Variants in PRRC2C observed in about 807,000 individuals in gnomAD.
PRRC2C encodes the protein proline rich coiled-coil 2C.
PRRC2C carries 72 observed loss-of-function variants against 317.2 expected under a neutral mutation model. That is an observed-to-expected ratio of 0.23 (90% confidence interval 0.19 to 0.28). PRRC2C has a LOEUF of 0.28. PRRC2C is among the 10% of genes least tolerant of loss of function. The probability of loss-of-function intolerance (pLI) is 1.00; values close to 1 mark genes in which losing one functional copy is unlikely to be tolerated. For synonymous variants in PRRC2C, 1,296 were observed against 1,205.9 expected, an observed-to-expected ratio of 1.07 and a Z score of -1.55; for missense variants, 3,074 against 3,459.7, an observed-to-expected ratio of 0.89 and a Z score of 2.80.
intron 18 of PRRC2C, among the ~76,000 whole-genome samples, chr1:171,555,324 A>C (rs1438810463): frequency 6.6e-6 from 1 of 152,172 alleles, no homozygotes; most frequent in East Asian, 1.9e-4. Flanking sequence ...AGGTCATTTA[A>C]GGTCTTTTCT....
At chr1:171,549,324 A>C (rs1340588281) in intron 17 of PRRC2C, among the ~76,000 whole-genome samples, 1 of 152,210 alleles carries the variant, frequency 6.6e-6, no homozygotes, top group Non-Finnish European at 1.5e-5. Context: ...GGCATGTGCC[A>C]CAGCACTAAG....
rs1192226477 is a variant in PRRC2C at position 171,513,003 on chromosome 1, C to T, written c.121C>T (p.Arg41Ter). The T allele has an allele frequency of 6.2e-7, 1 of 1,602,846 alleles. No homozygotes were observed. Among genetic ancestry groups the T allele is most frequent in the African/African-American group, 1.3e-5 (1 of 74,454 alleles). Residue 41 changes from arginine to a stop codon, truncating the protein, a stop_gained, in exon 3 of 35, where the codon CGA becomes TGA. Coordinates refer to ENST00000647382, the MANE Select transcript of PRRC2C (RefSeq NM_001387844.1). LOFTEE classifies it high-confidence loss of function. ...ATGTTATTGATCTTTAGTTGCAGCT[C>T]GACATGGATTACAGAGTCTTGGAAA... Reference protein sequence around the residue: ...LETQKTTVAARHGLQSLGKVG... With the variant: ...LETQKTTVAA
At chr1:171,554,814 T>C (rs1282480644) in intron 18 of PRRC2C, among the ~76,000 whole-genome samples, 1 of 152,204 alleles carries the variant, frequency 6.6e-6, no homozygotes, top group Non-Finnish European at 1.5e-5. Flanking sequence ...GCTTATAGAG[T>C]TTCTGCCGAG....
chr1:171,561,385 A>G (rs1206584274), intron 20 of PRRC2C, among the ~76,000 whole-genome samples: 1 of 152,174 alleles, frequency 6.6e-6, no homozygotes, highest in Non-Finnish European at 1.5e-5. Flanking sequence ...CTGGGAGGTC[A>G]AGGCTACAGT....
chr1:171,559,000 C>CT (rs1682024940), intron 19 of PRRC2C, among the ~76,000 whole-genome samples: 1 of 152,208 alleles, frequency 6.6e-6, no homozygotes, highest in South Asian at 2.1e-4. Flanking sequence ...ACAACATTCC[C>CT]TTAACCCAAA....
At chr1:171,507,720 G>C (rs188362186) in intron 1 of PRRC2C, among the ~76,000 whole-genome samples, 80 of 152,278 alleles carry the variant, frequency 5.3e-4, no homozygotes, top group Non-Finnish European at 8.8e-4. Flanking sequence ...TTCAGGCACT[G>C]TTCCCCTCTG....
rs370415872 is a variant in PRRC2C at position 171,524,940 on chromosome 1, A to G, written c.1175A>G (p.Tyr392Cys). 2.2e-5 allele frequency: 36 copies of G among 1,609,516 alleles called. No homozygotes were observed. The highest frequency in any genetic ancestry group is 6.7e-5 in the African/African-American group (5 of 74,760). The change falls in exon 10 of 35, where the codon TAT becomes TGT. Residue 392 changes from tyrosine (Y) to cysteine (C), a missense_variant. Coordinates refer to ENST00000647382, the MANE Select transcript of PRRC2C (RefSeq NM_001387844.1). ...CAACCATCAGTAGCAAAAGTTCCCT[A>G]TGGGAAAGGACCTTCATTTAATCAG... ...PAQPSVAKVP[Y>C]GKGPSFNQER...
intron 18 of PRRC2C, among the ~76,000 whole-genome samples, chr1:171,556,750 A>G (rs1190641409): frequency 1.3e-5 from 2 of 152,240 alleles, no homozygotes; most frequent in African/African-American, 2.4e-5. Context: ...ATATTAGTTC[A>G]TTTAAATACA....
At chr1:171,526,803 A>ATATTTTT (rs1557918055) in intron 10 of PRRC2C, among the ~76,000 whole-genome samples, 1 of 85,796 alleles carries the variant, frequency 1.2e-5, no homozygotes, top group Non-Finnish European at 2.4e-5. Context: ...TCAGAAATAT[A>ATATTTTT]TCTTTTTTTT....
rs769269354 is a variant in PRRC2C at position 171,540,901 on chromosome 1, CAAAGACCTTGTT to C, written c.3437_3448del (p.Lys1146_Val1149del). 1 of 1,613,736 alleles carries C rather than the reference CAAAGACCTTGTT, an allele frequency of 6.2e-7. No individual in the cohort carries two copies. The highest frequency in any genetic ancestry group is 2.2e-5 in the East Asian group (1 of 44,874). ...AAAAACAACCTGAGAAAGTCATCAGCAAAGACCTTGTTATAGAGAGGCCTCGACCAGATTCAA... is the reference window on the plus strand; with the variant it reads ...AAAAACAACCTGAGAAAGTCATCAGCATAGAGAGGCCTCGACCAGATTCAA... On this transcript the variant is annotated inframe_deletion, in exon 16 of 35. Transcript: ENST00000647382.
chr1:171,504,911 A>G (rs1026332948), intron 1 of PRRC2C, among the ~76,000 whole-genome samples: 2 of 150,508 alleles, frequency 1.3e-5, no homozygotes, highest in Non-Finnish European at 2.9e-5. Flanking sequence ...CTTGTGATCC[A>G]TGAACATGGC....
chr1:171,572,908 G>C (rs574595437), intron 24 of PRRC2C, among the ~76,000 whole-genome samples: 1 of 152,190 alleles, frequency 6.6e-6, no homozygotes, highest in South Asian at 2.1e-4. Context: ...TAAAACCTCT[G>C]ATTTCTTTAT....
chr1:171,570,438 T>C lies in PRRC2C; in HGVS notation c.6652-882T>C, dbSNP rs534170058. On this transcript the variant is annotated intron_variant, in intron 23 of 34. Coordinates refer to ENST00000647382, the MANE Select transcript of PRRC2C (RefSeq NM_001387844.1). ...TATCTTGAATGTCTTGAAGATTAAA[T>C]GCAGGTGGCCTTTTGGATTATCATA... 2.1e-4 allele frequency among the ~76,000 whole-genome samples: 32 copies of C among 152,338 alleles called. 1 individual carries two copies. In the South Asian group the frequency reaches 6.4e-3, roughly 31 times the overall value.
chr1:171,535,680 A>T (rs1039867320), intron 13 of PRRC2C, 83 bp downstream of exon 13: 1 of 1,416,892 alleles, frequency 7.1e-7, no homozygotes, highest in African/African-American at 1.4e-5. Flanking sequence ...CATAAAACTG[A>T]TAATACGTAA....
intron 20 of PRRC2C, among the ~76,000 whole-genome samples, chr1:171,564,346 AAC>A (rs1683226988): frequency 6.6e-6 from 1 of 152,184 alleles, no homozygotes; most frequent in Admixed American, 6.5e-5. Context: ...AACATTCTCT[AAC>A]AGTCATTAAC....
chr1:171,566,147 A>G (rs944413523), intron 20 of PRRC2C, 86 bp from the exon 21 acceptor site: 17 of 1,065,722 alleles, frequency 1.6e-5, no homozygotes, highest in African/African-American at 1.3e-4. Flanking sequence ...TAAACCTTCT[A>G]TTGTACTTAA....
At chr1:171,588,748 A>G (rs903368800) in intron 33 of PRRC2C, among the ~76,000 whole-genome samples, 5 of 152,218 alleles carry the variant, frequency 3.3e-5, no homozygotes, top group Non-Finnish European at 7.3e-5. Flanking sequence ...CAGCTCTGAT[A>G]ATGAGTCCTT....
intron 30 of PRRC2C, 121 bp downstream of exon 30, chr1:171,584,647 C>G: frequency 8.6e-7 from 1 of 1,167,480 alleles, no homozygotes; most frequent in Non-Finnish European, 1.2e-6. Context: ...TTAAACTGTT[C>G]ACTGAGATGT....
chr1:171,570,496 T>C (rs1297694290), intron 23 of PRRC2C, among the ~76,000 whole-genome samples: 1 of 152,098 alleles, frequency 6.6e-6, no homozygotes. Context: ...TGAAAGAATC[T>C]CCATTAGGTA....
Sources: gnomAD v4.1 joint callset for allele counts (sites outside exome capture counted in the v4.1 genomes callset) on GRCh38, gnomAD v4.1.1 for gene constraint, MANE v1.5 for transcripts, NCBI Gene and HGNC (gene_info 2026-07-23, HGNC 2026-07-21) for gene names.